PTPRD: variants seen among roughly 807,000 people sequenced by gnomAD.
The protein encoded by PTPRD is receptor-type tyrosine-protein phosphatase delta.
Under a neutral mutation model 214.5 loss-of-function variants are expected in PTPRD, and 34 were observed. The ratio of observed to expected loss-of-function variants is 0.16; its 90% confidence interval spans 0.12 to 0.21. The LOEUF is 0.21. Among genes scored for constraint, PTPRD ranks in the 10% least tolerant of loss-of-function variants. The pLI is 1.00. For missense variants in PTPRD, 2,545 were observed against 2,398.7 expected (o/e 1.06, Z -1.27); for synonymous variants, 1,128 against 845.7 (o/e 1.33, Z -5.79).
intron 2 of PTPRD, among the ~76,000 whole-genome samples, chr9:10,424,690 T>A (rs947934560): frequency 6.6e-6 from 1 of 151,574 alleles, no homozygotes; most frequent in Non-Finnish European, 1.5e-5. Flanking sequence ...AGTCACCGAG[T>A]TTCTAATGCT....
intron 2 of PTPRD, among the ~76,000 whole-genome samples, chr9:10,500,855 C>A (rs976155124): frequency 6.6e-6 from 1 of 151,878 alleles, no homozygotes; most frequent in East Asian, 1.9e-4. Context: ...CCAGTTCCAT[C>A]CATGTTATTG....
intron 2 of PTPRD, among the ~76,000 whole-genome samples, chr9:10,409,923 A>T (rs553222314): frequency 6.6e-6 from 1 of 151,714 alleles, no homozygotes; most frequent in Non-Finnish European, 1.5e-5. Flanking sequence ...GCCCTGACTG[A>T]CATCTTGACT....
intron 7 of PTPRD, among the ~76,000 whole-genome samples, chr9:9,645,781 T>C (rs2096140114): frequency 6.6e-6 from 1 of 152,104 alleles, no homozygotes; most frequent in Admixed American, 6.6e-5. Context: ...AACATTCATA[T>C]CTTTATCTTT....
intron 36 of PTPRD, 64 bp from the exon 37 acceptor site, chr9:8,389,471 T>A (rs2088605371): frequency 7.9e-7 from 1 of 1,270,154 alleles, no homozygotes; most frequent in African/African-American, 1.5e-5. Context: ...GCCTGGGACA[T>A]GACCTAATGG....
intron 8 of PTPRD, among the ~76,000 whole-genome samples, chr9:9,417,010 C>T (rs1329615835): frequency 6.6e-6 from 1 of 152,100 alleles, no homozygotes; most frequent in Non-Finnish European, 1.5e-5. Flanking sequence ...CAAGTAAGAT[C>T]AGTGAACAAA....
At chr9:10,296,018 C>A (rs988550353) in intron 3 of PTPRD, among the ~76,000 whole-genome samples, 6 of 151,990 alleles carry the variant, frequency 3.9e-5, no homozygotes, top group Admixed American at 3.3e-4. Flanking sequence ...ACAGACAGAA[C>A]CACATGGCAA....
At chr9:9,147,568 T>C (rs116641733) in intron 10 of PTPRD, among the ~76,000 whole-genome samples, 324 of 152,186 alleles carry the variant, frequency 2.1e-3, no homozygotes, top group African/African-American at 7.5e-3. Flanking sequence ...TTATATGAAA[T>C]TCAAATTTTA....
intron 23 of PTPRD, among the ~76,000 whole-genome samples, chr9:8,503,185 T>G (rs2097453235): frequency 6.6e-6 from 1 of 152,044 alleles, no homozygotes; most frequent in Non-Finnish European, 1.5e-5. Flanking sequence ...CCCTGAAAGT[T>G]TTCAAGTTTC....
chr9:9,840,761 C>CAAAAAAAAAAAAAAAAAAAAA (rs59780411), intron 5 of PTPRD, among the ~76,000 whole-genome samples: 1 of 61,620 alleles, frequency 1.6e-5, no homozygotes. Context: ...GACTCCGTTT[C>CAAAAAAAAAAAAAAAAAAAAA]AAAAAAAAAA....
At chr9:10,300,646 C>G (rs926976483) in intron 3 of PTPRD, among the ~76,000 whole-genome samples, 3 of 152,100 alleles carry the variant, frequency 2.0e-5, no homozygotes, top group African/African-American at 7.2e-5. Flanking sequence ...ACAAAGCCAC[C>G]AGGAAGTTTG....
intron 7 of PTPRD, among the ~76,000 whole-genome samples, chr9:9,691,181 A>G (rs149963247): frequency 2.0e-5 from 3 of 152,092 alleles, no homozygotes; most frequent in Admixed American, 2.0e-4. Flanking sequence ...TGTTAAATAT[A>G]CAATTAGATT....
intron 14 of PTPRD, among the ~76,000 whole-genome samples, chr9:8,600,234 G>C (rs960424856): frequency 1.3e-5 from 2 of 152,198 alleles, no homozygotes; most frequent in African/African-American, 2.4e-5. Context: ...AGACGGAGGG[G>C]ATTGCCCATC....
intron 9 of PTPRD, among the ~76,000 whole-genome samples, chr9:9,334,893 TG>T (rs777843986): frequency 1.6e-4 from 24 of 151,966 alleles, no homozygotes; most frequent in Non-Finnish European, 3.5e-4. Flanking sequence ...CTTACCAATA[TG>T]AGCATATAAT....
intron 5 of PTPRD, among the ~76,000 whole-genome samples, chr9:9,877,360 A>G (rs2067181905): frequency 6.6e-6 from 1 of 152,128 alleles, no homozygotes; most frequent in South Asian, 2.1e-4. Flanking sequence ...TAAGGGAGGA[A>G]GATTTGAGGC....
intron 10 of PTPRD, among the ~76,000 whole-genome samples, chr9:9,081,453 G>A (rs908560434): frequency 1.3e-5 from 2 of 152,132 alleles, no homozygotes; most frequent in Non-Finnish European, 2.9e-5. Flanking sequence ...ATGCACTCCT[G>A]AGAAGAATGT....
chr9:10,423,972 G>A (rs987639678), intron 2 of PTPRD, among the ~76,000 whole-genome samples: 1 of 151,916 alleles, frequency 6.6e-6, no homozygotes, highest in Non-Finnish European at 1.5e-5. Context: ...TTTTCCAATA[G>A]AGGGTATATT....
At position 10,589,569 on chromosome 9, in the gene PTPRD, C is replaced by T. The variant is rs534837638; in HGVS notation, c.-600+22829G>A. ...GTAAAGGGGGAGAGACAGACAGAGG[C>T]ATTCTTGCCAAACTCAGGAATGAAT... is the stretch of plus-strand genomic sequence containing the variant. On this transcript the variant is annotated intron_variant, in intron 2 of 45. Transcript: ENST00000381196. Among the ~76,000 whole-genome samples, 41 of 152,126 alleles carry T rather than the reference C, an allele frequency of 2.7e-4. No individual in the cohort carries two copies. The South Asian group carries it at 8.5e-3, about 32-fold the overall frequency.
At chr9:9,464,780 A>G (rs1195506910) in intron 8 of PTPRD, among the ~76,000 whole-genome samples, 2 of 152,066 alleles carry the variant, frequency 1.3e-5, no homozygotes, top group East Asian at 1.9e-4. Flanking sequence ...TTTCTTCCTT[A>G]ACCATGATTA....
intron 3 of PTPRD, among the ~76,000 whole-genome samples, chr9:10,147,406 T>C (rs2099030775): frequency 2.0e-5 from 3 of 152,190 alleles, no homozygotes; most frequent in Admixed American, 1.3e-4. Context: ...CGTATGTTTA[T>C]TGCGGCATTA....
Sources: gnomAD v4.1 joint callset for allele counts (sites outside exome capture counted in the v4.1 genomes callset) on GRCh38, gnomAD v4.1.1 for gene constraint, MANE v1.5 for transcripts, NCBI Gene and HGNC (gene_info 2026-07-23, HGNC 2026-07-21) for gene names.